Variants in IFT52 observed in about 807,000 individuals in gnomAD.
The protein encoded by IFT52 is intraflagellar transport 52.
In IFT52, 44 loss-of-function variants were observed where a neutral mutation model predicts 54.4. The ratio of observed to expected loss-of-function variants is 0.81; its 90% CI spans 0.63 to 1.04. IFT52 has a LOEUF of 1.04. Ranked by LOEUF, IFT52 falls within the 50% of genes least tolerant of loss-of-function variation. The pLI, the probability that IFT52 is intolerant of heterozygous loss-of-function variation, is 0.00. For missense variants in IFT52, 452 were observed against 523.6 expected, an observed-to-expected ratio of 0.86 and a Z score of 1.33; for synonymous variants, 181 against 185.3, an observed-to-expected ratio of 0.98 and a Z score of 0.19.
At chr20:43,629,510 T>G (rs6030997) in intron 10 of IFT52, among the ~76,000 whole-genome samples, 134,110 of 151,914 alleles carry the variant, frequency 0.88, 59,438 homozygotes, top group African/African-American at 0.96. Flanking sequence ...CTGACCTCGT[T>G]ATCTGCCCGC....
chr20:43,621,747 G>A (rs576444392), intron 9 of IFT52, among the ~76,000 whole-genome samples: 63 of 152,352 alleles, frequency 4.1e-4, no homozygotes, highest in Middle Eastern at 6.8e-3. Flanking sequence ...ACAGGCGTGA[G>A]CCACTGGGCC....
At chr20:43,599,545 C>CT (rs58158847) in intron 3 of IFT52, among the ~76,000 whole-genome samples, 1 of 152,186 alleles carries the variant, frequency 6.6e-6, no homozygotes, top group African/African-American at 2.4e-5. Context: ...AAGCTGTTAG[C>CT]TTTTTTTCTA....
intron 10 of IFT52, among the ~76,000 whole-genome samples, chr20:43,625,735 G>A (rs1169916975): frequency 1.3e-5 from 2 of 152,066 alleles, no homozygotes. Context: ...GAGAATGGTG[G>A]GAGATCAGGC....
chr20:43,628,399 A>G (rs1485109158), intron 10 of IFT52, among the ~76,000 whole-genome samples: 1 of 152,162 alleles, frequency 6.6e-6, no homozygotes. Flanking sequence ...ACTTCCCAGC[A>G]GCTTTGTTTA....
At chr20:43,610,634 G>T (rs1490524745) in intron 6 of IFT52, among the ~76,000 whole-genome samples, 2 of 151,976 alleles carry the variant, frequency 1.3e-5, no homozygotes, top group Non-Finnish European at 2.9e-5. Flanking sequence ...AACTACTCGG[G>T]AGGCTGAGGC....
intron 1 of IFT52, among the ~76,000 whole-genome samples, chr20:43,592,128 G>T (rs1481666297): frequency 1.3e-5 from 2 of 152,186 alleles, no homozygotes; most frequent in African/African-American, 4.8e-5. Context: ...GCCAAAGCGG[G>T]TGGATCACTT....
At chr20:43,621,033 G>A (rs980140183) in intron 9 of IFT52, 108 bp downstream of exon 9, 2 of 761,872 alleles carry the variant, frequency 2.6e-6, no homozygotes, top group East Asian at 5.0e-5. Context: ...TCATCTGTAA[G>A]ACAGATGGAA....
intron 9 of IFT52, among the ~76,000 whole-genome samples, chr20:43,622,723 A>C (rs1984408882): frequency 6.9e-6 from 1 of 145,456 alleles, no homozygotes; most frequent in Admixed American, 6.9e-5. Flanking sequence ...TTTTATGTAA[A>C]TATAAATATA....
chr20:43,632,790 T>C (rs1985261668), intron 10 of IFT52, among the ~76,000 whole-genome samples: 1 of 152,154 alleles, frequency 6.6e-6, no homozygotes, highest in Non-Finnish European at 1.5e-5. Flanking sequence ...CAGATTTGAC[T>C]CCTATCTCTT....
chr20:43,637,094 C>G, intron 11 of IFT52, 51 bp from the exon 12 acceptor site: 5 of 1,255,314 alleles, frequency 4.0e-6, no homozygotes, highest in Non-Finnish European at 5.8e-6. Context: ...GACTTTATTT[C>G]CTTTACCTTA....
At chr20:43,641,055 GGAA>G (rs1985884732) in intron 12 of IFT52, among the ~76,000 whole-genome samples, 1 of 132,972 alleles carries the variant, frequency 7.5e-6, no homozygotes, top group African/African-American at 2.8e-5. Context: ...AAAAAAAAAA[GGAA>G]GAAAGAAATT....
chr20:43,604,018 C>A, intron 4 of IFT52, 129 bp downstream of exon 4: 1 of 918,028 alleles, frequency 1.1e-6, no homozygotes. Flanking sequence ...ATGTTCCATT[C>A]TCATCAGCAG....
chr20:43,618,938 A>G lies in IFT52; in HGVS notation c.613-2A>G. 1 of 1,611,136 alleles carries G rather than the reference A, an allele frequency of 6.2e-7. No homozygotes were observed. The highest frequency in any genetic ancestry group is 8.5e-7 in the Non-Finnish European group (1 of 1,177,342). ...TATCTGACCCTGCTTTGTCATCAATAGAACCAAGGTGGGAAGCTGGCAGTG... is the reference window on the plus strand; with the variant it reads ...TATCTGACCCTGCTTTGTCATCAATGGAACCAAGGTGGGAAGCTGGCAGTG... On this transcript the variant is annotated splice_acceptor_variant, in intron 7 of 13. Transcript: ENST00000373030. LOFTEE classifies it high-confidence loss of function.
Position 43,620,852 on chromosome 20 carries a change from T to C in IFT52, c.700-5T>C. The C allele has an allele frequency of 6.3e-7, 1 of 1,594,596 alleles. No homozygotes were observed. Among genetic ancestry groups the C allele is most frequent in the Non-Finnish European group, 8.6e-7 (1 of 1,166,322 alleles). Reference sequence around the variant, plus strand: ...CCTAATTATATACTTTTTTTTTTAATTTAGGATGTTGTTTTCCAGTGGCTC... The same window carrying C: ...CCTAATTATATACTTTTTTTTTTAACTTAGGATGTTGTTTTCCAGTGGCTC... On this transcript the variant is annotated splice_polypyrimidine_tract_variant and splice_region_variant and intron_variant, in intron 8 of 13. Coordinates refer to ENST00000373030, the MANE Select transcript of IFT52 (RefSeq NM_016004.5).
chr20:43,596,656 G>A, intron 3 of IFT52, 134 bp downstream of exon 3: 1 of 643,846 alleles, frequency 1.6e-6, no homozygotes, highest in South Asian at 1.9e-5. Context: ...TTTTCATCAT[G>A]GAGTTGTGAT....
intron 3 of IFT52, among the ~76,000 whole-genome samples, chr20:43,602,922 G>A (rs1490913738): frequency 3.3e-5 from 5 of 151,996 alleles, no homozygotes; most frequent in Non-Finnish European, 7.4e-5. Flanking sequence ...GGTGCCAAAA[G>A]GAAATTATGT....
chr20:43,608,343 C>T (rs1983143031), intron 6 of IFT52, among the ~76,000 whole-genome samples: 1 of 152,170 alleles, frequency 6.6e-6, no homozygotes, highest in Non-Finnish European at 1.5e-5. Context: ...TTTTTCCTCT[C>T]TTGCCAGCAT....
chr20:43,627,060 G>A (rs1440716428), intron 10 of IFT52, among the ~76,000 whole-genome samples: 2 of 152,024 alleles, frequency 1.3e-5, no homozygotes, highest in East Asian at 1.9e-4. Flanking sequence ...CCAGCTACTC[G>A]GGAGGGTAAG....
In IFT52 at chr20:43,613,900, C is replaced by T. The variant is rs2145621020; in HGVS notation, c.536C>T (p.Pro179Leu). The change falls in exon 7 of 14, where the codon CCA becomes CTA. Residue 179 changes from proline (P) to leucine (L), a missense_variant. By Grantham distance (98) the Pro-to-Leu change is moderately conservative (BLOSUM62 -3). Transcript: ENST00000373030. ...PFGATLSVMK[P>L]AVAVLSTGSV... Reference sequence around the variant, plus strand: ...GGTGCCACATTGAGTGTCATGAAACCAGCAGTGGCGGTTCTGTCTACAGGT... The same window carrying T: ...GGTGCCACATTGAGTGTCATGAAACTAGCAGTGGCGGTTCTGTCTACAGGT... 6.2e-7 allele frequency: 1 copy of T among 1,614,054 alleles called. No individual in the cohort carries two copies. The highest frequency in any genetic ancestry group is 1.1e-5 in the South Asian group (1 of 91,080).
Sources: allele counts gnomAD v4.1 joint callset (sites outside exome capture counted in the v4.1 genomes callset), GRCh38; gene constraint gnomAD v4.1.1; transcripts MANE v1.5; gene names NCBI Gene and HGNC (gene_info 2026-07-23, HGNC 2026-07-21).